KIF9: variants seen among roughly 807,000 people sequenced by gnomAD.
The protein encoded by KIF9 is kinesin family member 9, also known as kinesin-like protein KIF9.
KIF9 carries 68 observed loss-of-function variants against 94.8 expected under a neutral mutation model. The observed-to-expected ratio is 0.72, with a 90% CI of 0.59 to 0.88. The LOEUF (loss-of-function observed/expected upper bound fraction) is 0.88. KIF9 is among the 40% of genes least tolerant of loss of function. The probability of loss-of-function intolerance (pLI) is 0.00; values close to 1 mark genes in which losing one functional copy is unlikely to be tolerated. For synonymous variants in KIF9, 343 were observed against 362.1 expected, an observed-to-expected ratio of 0.95 and a Z score of 0.60; for missense variants, 882 against 982.5, an observed-to-expected ratio of 0.90 and a Z score of 1.37.
At position 47,267,047 on chromosome 3, in the gene KIF9, C is replaced by T; in HGVS notation, c.697G>A (p.Glu233Lys). ...YLEAHSRTLS[E>K]EKYITSKINL... ...ATTTTGGAAGTGATGTACTTTTCCT[C>T]TGATAAGGTCCGGGAATGGGCCTAC... Residue 233 changes from glutamate (E) to lysine (K), a missense_variant, in exon 7 of 21, where the codon GAG becomes AAG. Glu to Lys is a moderately conservative substitution (Grantham distance 56). Transcript: ENST00000684063. The T allele has an allele frequency of 6.2e-7, 1 of 1,613,858 alleles. No individual in the cohort carries two copies. Among genetic ancestry groups the T allele is most frequent in the South Asian group, 1.1e-5 (1 of 91,080 alleles).
chr3:47,268,140 G>A (rs1701407865), intron 5 of KIF9, among the ~76,000 whole-genome samples: 2 of 151,952 alleles, frequency 1.3e-5, no homozygotes, highest in Non-Finnish European at 2.9e-5. Context: ...TACAGTGCTG[G>A]GATTACAGGC....
intron 16 of KIF9, among the ~76,000 whole-genome samples, chr3:47,241,887 T>A (rs1305278730): frequency 0.086 from 1,206 of 14,080 alleles, 24 homozygotes; most frequent in Admixed American, 0.13. Context: ...TATATATATT[T>A]TTTTTTTTTT....
At chr3:47,237,186 C>G (rs1395547688) in intron 17 of KIF9, among the ~76,000 whole-genome samples, 2 of 152,152 alleles carry the variant, frequency 1.3e-5, no homozygotes, top group Non-Finnish European at 2.9e-5. Context: ...CTCTGCCTCC[C>G]GAGTTCAAGC....
intron 12 of KIF9, among the ~76,000 whole-genome samples, chr3:47,246,823 G>A (rs535874164): frequency 5.4e-4 from 83 of 152,302 alleles, no homozygotes; most frequent in South Asian, 5.2e-3. Context: ...GCTGCCCACA[G>A]TAACAGCCAG....
intron 9 of KIF9, among the ~76,000 whole-genome samples, chr3:47,261,773 C>T (rs1294192506): frequency 2.6e-5 from 4 of 152,166 alleles, no homozygotes; most frequent in South Asian, 2.1e-4. Context: ...TGGCTCACAG[C>T]GAGCCCTCAA....
intron 3 of KIF9, among the ~76,000 whole-genome samples, chr3:47,274,863 T>C (rs919103350): frequency 6.6e-6 from 1 of 152,240 alleles, no homozygotes; most frequent in Non-Finnish European, 1.5e-5. Context: ...GGGAACATCC[T>C]AGTCAGCAGC....
intron 16 of KIF9, 108 bp from the exon 17 acceptor site, chr3:47,241,123 T>A (rs966867578): frequency 2.2e-6 from 2 of 927,934 alleles, no homozygotes; most frequent in Non-Finnish European, 3.4e-6. Context: ...GAGGCAGAAG[T>A]GCTAGGCACC....
rs1699689264 is a variant in KIF9, at chr3:47,243,135, T to C, written c.1625A>G (p.Lys542Arg). The part of the protein sequence containing the change: ...LVPSSKDGDV[K>R]DMLSRDRETS... ...TTCCCGGTCCCGCGAAAGCATGTCT[T>C]TGACATCCCCATCTTTGGAGGATGG... The change falls in exon 16 of 21, where the codon AAA becomes AGA. Residue 542 changes from lysine (K) to arginine (R), a missense_variant. Coordinates refer to ENST00000684063, the MANE Select transcript of KIF9 (RefSeq NM_182902.4). The C allele has an allele frequency of 1.2e-6, 2 of 1,613,924 alleles. No homozygotes were observed. The highest frequency in any genetic ancestry group is 1.7e-6 in the Non-Finnish European group (2 of 1,179,948).
intron 3 of KIF9, 107 bp downstream of exon 3, chr3:47,275,218 A>G: frequency 2.3e-6 from 2 of 870,882 alleles, no homozygotes; most frequent in Non-Finnish European, 3.5e-6. Flanking sequence ...GAGACAGACA[A>G]ACATACAAAT....
intron 17 of KIF9, chr3:47,240,238 G>A (rs900891201): frequency 4.4e-6 from 1 of 226,206 alleles, no homozygotes; most frequent in Non-Finnish European, 9.0e-6. Context: ...CTTTGAGCCT[G>A]GAGCACCCCC....
At chr3:47,272,119 A>AAAATAAAT (rs34978707) in intron 4 of KIF9, among the ~76,000 whole-genome samples, 42 of 152,074 alleles carry the variant, frequency 2.8e-4, no homozygotes, top group East Asian at 3.9e-4. Context: ...CTCCATCTAA[A>AAAATAAAT]AAATAAATAA....
chr3:47,277,460 T>A, intron 1 of KIF9, 81 bp from the exon 2 acceptor site: 1 of 959,280 alleles, frequency 1.0e-6, no homozygotes, highest in Non-Finnish European at 1.6e-6. Flanking sequence ...ATTAAGAAGA[T>A]CAGAAAAGAG....
chr3:47,259,390 G>C (rs1425214972), intron 9 of KIF9, among the ~76,000 whole-genome samples: 1 of 152,184 alleles, frequency 6.6e-6, no homozygotes, highest in Non-Finnish European at 1.5e-5. Flanking sequence ...GGCGTACTGG[G>C]CTCTCTCAGC....
rs886773505 is a variant in KIF9 at position 47,264,067 on chromosome 3, C to A, written c.981+219G>T. On this transcript the variant is annotated intron_variant, in intron 9 of 20. Transcript: ENST00000684063. ...ACACAGTCTCCCATGCTGAGCCTGC[C>A]TGCTGGCTGGCCCTTTTCCTCCGCA... 1.1e-4 allele frequency: 64 copies of A among 570,320 alleles called. No individual in the cohort carries two copies. In the Admixed American group the frequency reaches 1.4e-3, roughly 13 times the overall value. The allele number at this position is 570,320 out of a possible 1,614,324, so 35.3% of individuals were successfully genotyped here. A position where few individuals can be genotyped will look rare whatever the true frequency, so the allele number is the denominator to read the frequency against.
intron 5 of KIF9, among the ~76,000 whole-genome samples, chr3:47,270,649 G>C (rs147805407): frequency 2.3e-3 from 346 of 152,218 alleles, no homozygotes; most frequent in African/African-American, 6.5e-3. Context: ...CAGGAAAAAA[G>C]ACTGGAAGGA....
intron 9 of KIF9, chr3:47,263,583 A>G (rs1265462271): frequency 6.9e-6 from 2 of 290,084 alleles, no homozygotes; most frequent in Non-Finnish European, 1.4e-5. Context: ...CAGTCCCACT[A>G]TTACCTCTGC....
intron 17 of KIF9, among the ~76,000 whole-genome samples, chr3:47,238,806 C>A (rs370424988): frequency 6.6e-6 from 1 of 152,156 alleles, no homozygotes; most frequent in South Asian, 2.1e-4. Flanking sequence ...GGACTACAGG[C>A]GTGCATCACC....
rs1429912808 is a variant in KIF9, at chr3:47,252,733, G to C, written c.1060-4647C>G. Among the ~76,000 whole-genome samples the C allele has an allele frequency of 2.6e-5, 4 of 152,214 alleles. No individual in the cohort carries two copies. The East Asian group carries it at 5.8e-4, about 22-fold the overall frequency. Reference sequence around the variant, plus strand: ...AACACCAAATAAGAAAAGATAAGAAGGCCAAGCATGTTGGCTCATGCTTGC... The same window carrying C: ...AACACCAAATAAGAAAAGATAAGAACGCCAAGCATGTTGGCTCATGCTTGC... On this transcript the variant is annotated intron_variant, in intron 10 of 20. Transcript: ENST00000684063.
chr3:47,280,909 T>C, intron 1 of KIF9: 1 of 703,050 alleles, frequency 1.4e-6, no homozygotes, highest in Non-Finnish European at 2.6e-6. Context: ...AGCAGCCCTT[T>C]AACACCCAAA....
Sources: gnomAD v4.1 joint callset for allele counts (sites outside exome capture counted in the v4.1 genomes callset) on GRCh38, gnomAD v4.1.1 for gene constraint, MANE v1.5 for transcripts, NCBI Gene and HGNC (gene_info 2026-07-23, HGNC 2026-07-21) for gene names.